Variants in COL18A1 observed in about 807,000 individuals in gnomAD.
COL18A1 encodes the protein collagen alpha-1(XVIII) chain.
In COL18A1, 133 loss-of-function variants were observed where a neutral mutation model predicts 168.0. That is an observed-to-expected ratio of 0.79 (90% CI 0.69 to 0.91). The LOEUF (loss-of-function observed/expected upper bound fraction) is 0.91. Ranked by LOEUF, COL18A1 falls within the 40% of genes least tolerant of loss-of-function variation. COL18A1 has a pLI of 0.00. For synonymous variants in COL18A1, 949 were observed against 809.0 expected, an observed-to-expected ratio of 1.17 and a Z score of -2.94; for missense variants, 2,126 against 1,925.4, an observed-to-expected ratio of 1.10 and a Z score of -1.95.
chr21:45,490,866 G>A lies in COL18A1; in HGVS notation c.2062G>A (p.Glu688Lys). The change falls in exon 21 of 42, where the codon GAA becomes AAA. Residue 688 changes from glutamate (E) to lysine (K), a missense_variant. Coordinates refer to ENST00000651438, the MANE Select transcript of COL18A1 (RefSeq NM_001379500.1). ...GPKGDRGSRG[E>K]KGDPGKDGVG... Reference sequence around the variant, plus strand: ...AAAGGGAGACAGAGGCAGCCGGGGAGAAAAGGTGAGTGTCCCTGGGGCGGG... The same window carrying A: ...AAAGGGAGACAGAGGCAGCCGGGGAAAAAAGGTGAGTGTCCCTGGGGCGGG... 6.5e-7 allele frequency: 1 copy of A among 1,549,732 alleles called. No individual in the cohort carries two copies. The highest frequency in any genetic ancestry group is 8.7e-7 in the Non-Finnish European group (1 of 1,146,648).
chr21:45,509,282 AGAGGAGGACACAGATG>A lies in COL18A1; in HGVS notation c.3250-66_3250-51del. 3 of 1,528,262 alleles carry A rather than the reference AGAGGAGGACACAGATG, an allele frequency of 2.0e-6. No individual in the cohort carries two copies. In the South Asian group the frequency reaches 3.6e-5, roughly 18 times the overall value. The allele number at this position is 1,528,262 out of a possible 1,614,324, so 94.7% of individuals were successfully genotyped here. ...GAGCCCAGCCCCTCTCACCCAGCCCAGAGGAGGACACAGATGGAGGAGGGGCACCCGGAGGGTCCCC... is the reference window on the plus strand; with the variant it reads ...GAGCCCAGCCCCTCTCACCCAGCCCAGAGGAGGGGCACCCGGAGGGTCCCC... On this transcript the variant is annotated intron_variant, in intron 38 of 41. Coordinates refer to ENST00000651438, the MANE Select transcript of COL18A1 (RefSeq NM_001379500.1).
In COL18A1 at chr21:45,507,489, G is replaced by A. The variant is rs369844739; in HGVS notation, c.3217-72G>A. The A allele has an allele frequency of 1.3e-3, 602 of 468,194 alleles. 4 individuals carry two copies. In the African/African-American group the frequency reaches 0.027, roughly 21 times the overall value. The allele number at this position is 468,194 out of a possible 1,614,324, so 29.0% of individuals were successfully genotyped here. A position where few individuals can be genotyped will look rare whatever the true frequency, so the allele number is the denominator to read the frequency against. The stretch of plus-strand genomic sequence containing the variant: ...CCAGGTGCTGGGGCGGGAGAGTCGG[G>A]TGCTGGGCAGGGAGGGCACCCTGGC... On this transcript the variant is annotated intron_variant, in intron 37 of 41. Coordinates refer to ENST00000651438, the MANE Select transcript of COL18A1 (RefSeq NM_001379500.1).
intron 32 of COL18A1, among the ~76,000 whole-genome samples, chr21:45,501,290 C>G (rs1030324457): frequency 5.3e-5 from 8 of 152,030 alleles, no homozygotes; most frequent in Non-Finnish European, 1.0e-4. Flanking sequence ...AAGAAAAACA[C>G]AAATCAATCA....
chr21:45,455,465 C>G, intron 2 of COL18A1: 1 of 1,601,216 alleles, frequency 6.2e-7, no homozygotes, highest in South Asian at 1.1e-5. Flanking sequence ...GGGCGTGAGC[C>G]TGGCTAGCCC....
intron 2 of COL18A1, chr21:45,420,528 C>T (rs533553731): frequency 6.6e-6 from 1 of 152,420 alleles, no homozygotes; most frequent in South Asian, 2.1e-4. Flanking sequence ...AGAACAGACC[C>T]CTCCTTCATC....
intron 2 of COL18A1, among the ~76,000 whole-genome samples, chr21:45,412,772 C>T (rs1391902191): frequency 6.6e-6 from 1 of 152,210 alleles, no homozygotes; most frequent in Non-Finnish European, 1.5e-5. Flanking sequence ...GGCCACGTGG[C>T]ACCTGTCAGC....
chr21:45,484,372 G>GCACACACACATCTCCAGCATGTGTGTACA (rs2145953967), intron 15 of COL18A1, among the ~76,000 whole-genome samples: 1 of 77,758 alleles, frequency 1.3e-5, no homozygotes, highest in Non-Finnish European at 2.6e-5. Flanking sequence ...ACACATACAC[G>GCACACACACATCTCCAGCATGTGTGTACA]CACACACACA....
intron 15 of COL18A1, among the ~76,000 whole-genome samples, chr21:45,485,258 C>T (rs1434217716): frequency 1.3e-5 from 2 of 149,894 alleles, no homozygotes; most frequent in African/African-American, 4.9e-5. Context: ...GCCTCGGCCT[C>T]CCAAAGTGCT....
intron 29 of COL18A1, chr21:45,495,701 C>T (rs141977193): frequency 1.8e-4 from 77 of 426,846 alleles, no homozygotes; most frequent in African/African-American, 1.0e-3. Context: ...CATGCCCATA[C>T]ACACGCGCAC....
At chr21:45,422,577 G>C (rs79087200) in intron 2 of COL18A1, 1 of 484,694 alleles carries the variant, frequency 2.1e-6, no homozygotes, top group Non-Finnish European at 4.3e-6. Flanking sequence ...GTGAGTCGCC[G>C]TCCTGTGCGG....
intron 26 of COL18A1, chr21:45,493,971 C>A (rs1442691742): frequency 6.9e-6 from 2 of 290,350 alleles, no homozygotes; most frequent in African/African-American, 2.2e-5. Flanking sequence ...TGGGCAGGGC[C>A]CGGAGTCAGT....
chr21:45,506,641 A>C (rs2037217941), intron 37 of COL18A1: 1 of 170,580 alleles, frequency 5.9e-6, no homozygotes, highest in Admixed American at 5.4e-5. Context: ...TGCCGCCGAA[A>C]CGGCCTGTGA....
chr21:45,504,400 G>GTGTT lies in COL18A1; in HGVS notation c.2728-14_2728-11dup, dbSNP rs1453838630. The stretch of plus-strand genomic sequence containing the variant: ...GGGGTTCAGGGCTCCCGTGTAACAA[G>GTGTT]TGTTTCCGTCCACAGGGGGAGAAGG... On this transcript the variant is annotated splice_polypyrimidine_tract_variant and intron_variant, in intron 33 of 41. Transcript: ENST00000651438. 1 of 1,610,012 alleles carries GTGTT rather than the reference G, an allele frequency of 6.2e-7. No homozygotes were observed. The highest frequency in any genetic ancestry group is 8.5e-7 in the Non-Finnish European group (1 of 1,178,406).
At chr21:45,441,630 C>T (rs1249293860) in intron 2 of COL18A1, among the ~76,000 whole-genome samples, 2 of 152,224 alleles carry the variant, frequency 1.3e-5, no homozygotes, top group African/African-American at 2.4e-5. Flanking sequence ...TCTGCTTCAC[C>T]AGCCGGCGCC....
chr21:45,480,427 C>G (rs369947667), intron 11 of COL18A1, 40 bp from the exon 12 acceptor site: 1 of 1,613,942 alleles, frequency 6.2e-7, no homozygotes, highest in Admixed American at 1.7e-5. Flanking sequence ...GGCGGGGGGC[C>G]GAGCTCAGGG....
At chr21:45,412,946 T>C (rs1029875382) in intron 2 of COL18A1, among the ~76,000 whole-genome samples, 1 of 152,110 alleles carries the variant, frequency 6.6e-6, no homozygotes, top group Non-Finnish European at 1.5e-5. Flanking sequence ...TGACCCTGAG[T>C]GTGTGTGGCC....
intron 8 of COL18A1, 120 bp from the exon 9 acceptor site, chr21:45,478,207 G>T: frequency 1.5e-6 from 2 of 1,348,512 alleles, no homozygotes; most frequent in South Asian, 2.4e-5. Flanking sequence ...CGAGGACATC[G>T]GGGGAAGGCG....
At chr21:45,456,361 C>T (rs1358535327) in intron 2 of COL18A1, 2 of 1,550,110 alleles carry the variant, frequency 1.3e-6, no homozygotes, top group African/African-American at 1.4e-5. Flanking sequence ...AGCACGCGGC[C>T]CCCTCCGCCT....
chr21:45,510,926 AC>A (rs1011955859), intron 40 of COL18A1, among the ~76,000 whole-genome samples, 184 bp from the exon 41 acceptor site: 3 of 109,858 alleles, frequency 2.7e-5, no homozygotes, highest in African/African-American at 6.8e-5. Context: ...GCAGAACCCC[AC>A]CCCCCAAAAA....
Sources: allele counts gnomAD v4.1 joint callset (sites outside exome capture counted in the v4.1 genomes callset), GRCh38; gene constraint gnomAD v4.1.1; transcripts MANE v1.5; gene names NCBI Gene and HGNC (gene_info 2026-07-23, HGNC 2026-07-21).